The following MAP3K14 variants were observed in gnomAD, a reference collection of about 807,000 sequenced individuals.
MAP3K14 encodes mitogen-activated protein kinase kinase kinase 14.
In MAP3K14, 16 loss-of-function variants were observed where a neutral mutation model predicts 99.2. The ratio of observed to expected loss-of-function variants is 0.16; its 90% CI spans 0.11 to 0.24. The LOEUF (loss-of-function observed/expected upper bound fraction) is 0.24, where lower values mean the gene tolerates loss of function less well. MAP3K14 is among the 10% of genes least tolerant of loss of function. The probability of loss-of-function intolerance (pLI) is 1.00; values close to 1 mark genes in which losing one functional copy is unlikely to be tolerated. For missense variants in MAP3K14, 784 were observed against 1,208.7 expected (o/e 0.65, Z 5.21); for synonymous variants, 462 against 492.4 (o/e 0.94, Z 0.82).
In MAP3K14 at chr17:45,287,184, A is replaced by T; in HGVS notation, c.507T>A (p.Pro169=). 6.2e-7 allele frequency: 1 copy of T among 1,613,872 alleles called. No homozygotes were observed. The highest frequency in any genetic ancestry group is 8.5e-7 in the Non-Finnish European group (1 of 1,179,806). ...CTGGGATGGTGCAGCTCTCCTGCTC[A>T]GGGGTCCTGGGGAGGGGTTTGGCCA... The part of the protein sequence containing the change: ...VALAKPLPRT[P]EQESCTIPVQ... The change falls in exon 4 of 16, where the codon CCT becomes CCA. Residue 169 remains proline (P), a synonymous_variant. Coordinates refer to ENST00000344686, the MANE Select transcript of MAP3K14 (RefSeq NM_003954.5).
intron 13 of MAP3K14, 110 bp from the exon 14 acceptor site, chr17:45,266,791 A>G (rs947763554): frequency 4.0e-6 from 5 of 1,252,894 alleles, no homozygotes; most frequent in Non-Finnish European, 1.1e-6. Context: ...CAGCTGGAGG[A>G]GGGTAAGGGT....
intron 6 of MAP3K14, among the ~76,000 whole-genome samples, chr17:45,280,298 A>AT: frequency 7.8e-6 from 1 of 128,966 alleles, no homozygotes; most frequent in African/African-American, 3.0e-5. Context: ...ACACAGAAAC[A>AT]CTTTTTTTTT....
intron 13 of MAP3K14, 95 bp from the exon 14 acceptor site, chr17:45,266,776 G>T: frequency 7.3e-7 from 1 of 1,363,280 alleles, no homozygotes; most frequent in Non-Finnish European, 1.0e-6. Context: ...CACTGCTCAT[G>T]CCCTCAGCTG....
intron 1 of MAP3K14, among the ~76,000 whole-genome samples, chr17:45,297,382 T>C (rs1018071085): frequency 2.6e-5 from 4 of 152,244 alleles, no homozygotes; most frequent in Non-Finnish European, 5.9e-5. Flanking sequence ...ATGAGGGGTC[T>C]TGTCAAGTCA....
At chr17:45,311,547 A>G (rs1165551636) in intron 1 of MAP3K14, among the ~76,000 whole-genome samples, 1 of 152,212 alleles carries the variant, frequency 6.6e-6, no homozygotes, top group East Asian at 1.9e-4. Context: ...GAGAAGCTGT[A>G]GTAACCAGAA....
intron 1 of MAP3K14, among the ~76,000 whole-genome samples, chr17:45,292,356 G>A (rs1295138279): frequency 6.6e-6 from 1 of 152,174 alleles, no homozygotes; most frequent in African/African-American, 2.4e-5. Flanking sequence ...CTTGAGCCCA[G>A]GAGTTCAAGA....
intron 1 of MAP3K14, among the ~76,000 whole-genome samples, chr17:45,313,885 C>T (rs1310192772): frequency 6.6e-6 from 1 of 152,188 alleles, no homozygotes; most frequent in Non-Finnish European, 1.5e-5. Flanking sequence ...GGTTTAGATT[C>T]TGAGCAATCC....
In MAP3K14 at chr17:45,287,001, C is replaced by A. The variant is rs377307410; in HGVS notation, c.582G>T (p.Pro194=). The A allele has an allele frequency of 6.2e-7, 1 of 1,613,714 alleles. No homozygotes were observed. Among genetic ancestry groups the A allele is most frequent in the East Asian group, 2.2e-5 (1 of 44,886 alleles). ...GTTCCTTCAGAGGCTTGGTGAACTG[C>A]GGGGTGTTTCTAACATATGGGGCGC... is the stretch of plus-strand genomic sequence containing the variant. ...PLGAPYVRNT[P]QFTKPLKEPG... is the part of the protein sequence containing the mutation. Residue 194 remains proline, a synonymous_variant, in exon 5 of 16, where the codon CCG becomes CCT. Coordinates refer to ENST00000344686, the MANE Select transcript of MAP3K14 (RefSeq NM_003954.5).
chr17:45,270,598 T>C, intron 10 of MAP3K14, 35 bp from the exon 11 acceptor site: 1 of 1,512,008 alleles, frequency 6.6e-7, no homozygotes, highest in South Asian at 1.3e-5. Flanking sequence ...AGGCCTGCCT[T>C]CCCTCATTTC....
At chr17:45,308,947 G>A (rs7222946) in intron 1 of MAP3K14, among the ~76,000 whole-genome samples, 219 of 151,994 alleles carry the variant, frequency 1.4e-3, no homozygotes, top group African/African-American at 5.0e-3. Flanking sequence ...GATTACAGGT[G>A]TGAGCCACTG....
In MAP3K14 at chr17:45,263,952, G is replaced by C. The variant is rs948729163; in HGVS notation, c.*684C>G. The C allele has an allele frequency of 1.3e-5, 2 of 152,358 alleles. No homozygotes were observed. The highest frequency in any genetic ancestry group is 4.1e-4 in the South Asian group (2 of 4,838). 9.4% of individuals were successfully genotyped at this position (152,358 alleles called of 1,614,324 possible). A position where few individuals can be genotyped will look rare whatever the true frequency, so the allele number is the denominator to read the frequency against. ...AAAGGGGCACATGTCTGGGGACTGA[G>C]AACCACTTCACTTACACACCTTCTT... On this transcript the variant is annotated 3_prime_UTR_variant, in exon 16 of 16. Transcript: ENST00000344686.
chr17:45,284,492 T>C (rs1174852152), intron 6 of MAP3K14, among the ~76,000 whole-genome samples: 1 of 152,178 alleles, frequency 6.6e-6, no homozygotes, highest in Non-Finnish European at 1.5e-5. Context: ...TACCTCAGTG[T>C]GAATTTCATG....
At position 45,286,969 on chromosome 17, in the gene MAP3K14, A is replaced by C; in HGVS notation, c.614T>G (p.Leu205Arg). ...QFTKPLKEPG[L>R]GQLCFKQLGE... is the part of the protein sequence containing the mutation. ...AAGCTGCTTAAAACAGAGTTGCCCA[A>C]GGCCTGGTTCCTTCAGAGGCTTGGT... The change falls in exon 5 of 16, where the codon CTT (leucine) becomes CGT (arginine). Residue 205 changes from leucine to arginine, a missense_variant. Leu to Arg is a moderately radical substitution (Grantham distance 102). Around this residue, in one of 5 missense-constraint regions of MAP3K14, gnomAD observed 188 missense variants for 313.0 expected, o/e 0.60. Coordinates refer to ENST00000344686, the MANE Select transcript of MAP3K14 (RefSeq NM_003954.5). This position sits in a 1 kb window ranked among gnomAD's most constrained non-coding sequence, Gnocchi z 4.1. The C allele has an allele frequency of 2.5e-6, 4 of 1,614,046 alleles. No individual in the cohort carries two copies. Among genetic ancestry groups the C allele is most frequent in the Non-Finnish European group, 3.4e-6 (4 of 1,179,904 alleles).
At chr17:45,288,165 T>C (rs534522141) in intron 3 of MAP3K14, among the ~76,000 whole-genome samples, 3 of 152,178 alleles carry the variant, frequency 2.0e-5, no homozygotes, top group Admixed American at 6.5e-5. Flanking sequence ...CAGGCTTCTC[T>C]TGGACAGCTG....
chr17:45,270,654 C>G, intron 10 of MAP3K14, 91 bp from the exon 11 acceptor site: 1 of 1,422,910 alleles, frequency 7.0e-7, no homozygotes, highest in South Asian at 1.5e-5. Flanking sequence ...CCGCCGGCCC[C>G]TGTTCCCGCT....
Position 45,272,944 on chromosome 17 carries a change from A to G in MAP3K14, c.1657+559T>C, listed in dbSNP as rs1309139210. ...GACAGAGTGAGACTCTGTCTCAATG[A>G]AAACAACAAAAAAATTTGTGATTCT... On this transcript the variant is annotated intron_variant, in intron 9 of 15. Transcript: ENST00000344686. The surrounding 1 kb of genome is among the most constrained non-coding windows in gnomAD (Gnocchi z 4.1). Among the ~76,000 whole-genome samples, 1 of 152,216 alleles carries G rather than the reference A, an allele frequency of 6.6e-6. No individual in the cohort carries two copies. The highest frequency in any genetic ancestry group is 2.4e-5 in the African/African-American group (1 of 41,450).
chr17:45,280,821 G>A (rs1056197550), intron 6 of MAP3K14, among the ~76,000 whole-genome samples: 11 of 151,998 alleles, frequency 7.2e-5, no homozygotes, highest in Non-Finnish European at 1.3e-4. Context: ...ATGTTGGCCA[G>A]GCTGGTCTCG....
intron 2 of MAP3K14, 82 bp from the exon 3 acceptor site, chr17:45,289,387 C>T (rs1403793128): frequency 3.7e-6 from 4 of 1,084,644 alleles, no homozygotes; most frequent in Non-Finnish European, 5.6e-6. Flanking sequence ...TACAGAGATC[C>T]CCTCTGGCGC....
In MAP3K14 at chr17:45,311,170, T is replaced by C. The variant is rs555360450; in HGVS notation, c.-21+5790A>G. ...TGGGCCACCATTTTCTCTTCTGCAT[T>C]TTCTCACTGCAAAAAATGTGAATGA... On this transcript the variant is annotated intron_variant, in intron 1 of 15. Transcript: ENST00000344686. Among the ~76,000 whole-genome samples, 6 of 152,348 alleles carry C rather than the reference T, an allele frequency of 3.9e-5. No individual in the cohort carries two copies. In the South Asian group the frequency reaches 1.2e-3, roughly 32 times the overall value.
Sources: allele counts gnomAD v4.1 joint callset (sites outside exome capture counted in the v4.1 genomes callset), GRCh38; gene constraint gnomAD v4.1.1; regional missense constraint gnomAD v4.1.1; non-coding constraint Gnocchi (gnomAD v3.1); transcripts MANE v1.5; gene names NCBI Gene and HGNC (gene_info 2026-07-23, HGNC 2026-07-21).